The following ENTREP2 variants were observed in gnomAD, a reference collection of about 807,000 sequenced individuals.
ENTREP2 encodes protein ENTREP2.
At chr15:29,174,717 A>G in the ENTREP2 span, among the ~76,000 whole-genome samples, 2 of 151,842 alleles carry the variant, frequency 1.3e-5, no homozygotes, top group East Asian at 3.9e-4. Flanking sequence ...CAACAAAAAA[A>G]AAAAAGAAAA....
chr15:29,298,094 G>A, the ENTREP2 span, among the ~76,000 whole-genome samples: 7 of 152,048 alleles, frequency 4.6e-5, no homozygotes, highest in African/African-American at 1.7e-4. Context: ...ATTAAGCTAG[G>A]ACTATATAAC....
chr15:29,600,815 GTACTGTGGAAC>G, the ENTREP2 span, among the ~76,000 whole-genome samples: 1 of 151,536 alleles, frequency 6.6e-6, no homozygotes, highest in Non-Finnish European at 1.5e-5. Context: ...ACTTTGCATG[GTACTGTGGAAC>G]TGTAAAAATC....
chr15:29,419,658 C>A, the ENTREP2 span, among the ~76,000 whole-genome samples: 1 of 152,064 alleles, frequency 6.6e-6, no homozygotes, highest in Non-Finnish European at 1.5e-5. Flanking sequence ...GAAAAAGAAA[C>A]CTAAATAAAA....
At chr15:29,181,276 G>A in the ENTREP2 span, among the ~76,000 whole-genome samples, 2 of 152,082 alleles carry the variant, frequency 1.3e-5, no homozygotes, top group African/African-American at 4.8e-5. Context: ...TCTACTGACT[G>A]CAAAAGAAAT....
chr15:29,136,471 T>C, the ENTREP2 span: 3 of 1,548,364 alleles, frequency 1.9e-6, no homozygotes, highest in East Asian at 2.5e-5. Context: ...AAGTGCCGAA[T>C]GGAGACGGAG....
chr15:29,234,232 T>G, the ENTREP2 span: 1 of 1,611,882 alleles, frequency 6.2e-7, no homozygotes, highest in Non-Finnish European at 8.5e-7. Flanking sequence ...GTGGTTGTCG[T>G]AACTCTTCTC....
At chr15:29,175,322 C>T in the ENTREP2 span, among the ~76,000 whole-genome samples, 39 of 152,284 alleles carry the variant, frequency 2.6e-4, no homozygotes, top group Non-Finnish European at 3.8e-4. Flanking sequence ...AATGTGCTGC[C>T]GGTAACGCTT....
the ENTREP2 span, among the ~76,000 whole-genome samples, chr15:29,289,995 A>G: frequency 7.9e-5 from 12 of 152,278 alleles, no homozygotes; most frequent in South Asian, 2.1e-4. Context: ...CAGCAATAAG[A>G]AGGAGGAACT....
At chr15:29,472,621 C>G in the ENTREP2 span, among the ~76,000 whole-genome samples, 3 of 152,058 alleles carry the variant, frequency 2.0e-5, no homozygotes, top group African/African-American at 7.2e-5. Flanking sequence ...CCCCCCACCA[C>G]GCCCAGCTAA....
chr15:29,284,324 G>A, the ENTREP2 span, among the ~76,000 whole-genome samples: 4 of 152,072 alleles, frequency 2.6e-5, no homozygotes, highest in South Asian at 2.1e-4. Flanking sequence ...TTGGGAGGCT[G>A]AGGTGGGCAG....
At chr15:29,336,919 C>A in the ENTREP2 span, among the ~76,000 whole-genome samples, 1 of 152,136 alleles carries the variant, frequency 6.6e-6, no homozygotes, top group Non-Finnish European at 1.5e-5. Flanking sequence ...TCCGTCCATG[C>A]TGTGTGCATG....
the ENTREP2 span, among the ~76,000 whole-genome samples, chr15:29,347,786 G>T: frequency 1.3e-5 from 2 of 152,280 alleles, no homozygotes; most frequent in East Asian, 3.9e-4. Flanking sequence ...ACGCAGGCTC[G>T]CCAACACAGC....
At chr15:29,490,171 T>TA in the ENTREP2 span, among the ~76,000 whole-genome samples, 1 of 152,180 alleles carries the variant, frequency 6.6e-6, no homozygotes, top group Non-Finnish European at 1.5e-5. Context: ...TTACACTTCT[T>TA]AAAGGCCGGT....
At chr15:29,394,124 G>A in the ENTREP2 span, among the ~76,000 whole-genome samples, 1 of 152,124 alleles carries the variant, frequency 6.6e-6, no homozygotes, top group Non-Finnish European at 1.5e-5. Flanking sequence ...ACTCTACTGA[G>A]ACATAGGAAG....
At chr15:29,540,751 C>G in the ENTREP2 span, among the ~76,000 whole-genome samples, 2 of 152,214 alleles carry the variant, frequency 1.3e-5, no homozygotes, top group Admixed American at 6.5e-5. Flanking sequence ...GTAACACTAC[C>G]AACGGCACAT....
At chr15:29,611,060 C>A in the ENTREP2 span, 1 of 152,216 alleles carries the variant, frequency 6.6e-6, no homozygotes, top group Non-Finnish European at 1.5e-5. Context: ...AAATTGCTCC[C>A]GTCCTTTATG....
the ENTREP2 span, among the ~76,000 whole-genome samples, chr15:29,365,416 C>A: frequency 6.6e-6 from 1 of 151,928 alleles, no homozygotes; most frequent in Non-Finnish European, 1.5e-5. Flanking sequence ...CCATGCCCAG[C>A]TAATTTTTGT....
At chr15:29,315,461 G>A in the ENTREP2 span, among the ~76,000 whole-genome samples, 2 of 152,250 alleles carry the variant, frequency 1.3e-5, no homozygotes, top group Admixed American at 6.5e-5. Context: ...AAATAATTGA[G>A]GGAAACATAC....
chr15:29,664,617 C>A, the ENTREP2 span, among the ~76,000 whole-genome samples: 1 of 152,056 alleles, frequency 6.6e-6, no homozygotes, highest in South Asian at 2.1e-4. Context: ...CAAACGCGCC[C>A]ACTGACTCGG....
Sources: gnomAD v4.1 joint callset for allele counts (sites outside exome capture counted in the v4.1 genomes callset) on GRCh38, gnomAD v4.1.1 for gene constraint, MANE v1.5 for transcripts, NCBI Gene and HGNC (gene_info 2026-07-23, HGNC 2026-07-21) for gene names.